Variants in YTHDC2 observed in about 807,000 individuals in gnomAD.
The protein encoded by YTHDC2 is 3'-5' RNA helicase YTHDC2.
In YTHDC2, 45 loss-of-function variants were observed where a neutral mutation model predicts 174.9. The observed-to-expected ratio is 0.26, with a 90% CI of 0.20 to 0.33. The LOEUF is 0.33. Ranked by LOEUF, YTHDC2 falls within the 10% of genes least tolerant of loss-of-function variation. The pLI is 1.00. For synonymous variants in YTHDC2, 657 were observed against 574.5 expected (o/e 1.14, Z -2.05); for missense variants, 1,650 against 1,723.7 (o/e 0.96, Z 0.76).
intron 26 of YTHDC2, among the ~76,000 whole-genome samples, chr5:113,589,408 A>AAAAATATATATATATATATATATATATAT (rs368975720): frequency 1.6e-5 from 2 of 123,262 alleles, no homozygotes; most frequent in African/African-American, 6.8e-5. Flanking sequence ...AAAAAAAAAA[A>AAAAATATATATATATATATATATATATAT]ATATATATAT....
In YTHDC2 at chr5:113,584,487, T is replaced by C; in HGVS notation, c.3825+8T>C. Reference sequence around the variant, plus strand: ...CCTCCATCCTCAGGAAAGGTAAGAGTATCTGAAAGAAAATGTAGTAAGGAA... The same window carrying C: ...CCTCCATCCTCAGGAAAGGTAAGAGCATCTGAAAGAAAATGTAGTAAGGAA... On this transcript the variant is annotated splice_region_variant and intron_variant, in intron 26 of 29. Transcript: ENST00000161863. 1 of 1,595,198 alleles carries C rather than the reference T, an allele frequency of 6.3e-7. No individual in the cohort carries two copies. The highest frequency in any genetic ancestry group is 8.5e-7 in the Non-Finnish European group (1 of 1,169,936).
intron 26 of YTHDC2, among the ~76,000 whole-genome samples, chr5:113,584,692 A>G (rs923328261): frequency 3.3e-5 from 5 of 151,662 alleles, no homozygotes; most frequent in African/African-American, 1.2e-4. Context: ...GGGGTATTTT[A>G]GAATGCTTTA....
At chr5:113,581,981 A>G (rs561143040) in intron 25 of YTHDC2, 69 of 240,820 alleles carry the variant, frequency 2.9e-4, no homozygotes, top group Non-Finnish European at 4.5e-4. Context: ...TCTAATTTCT[A>G]GAATTGGGTC....
At chr5:113,569,236 A>G (rs1237150636) in intron 23 of YTHDC2, among the ~76,000 whole-genome samples, 1 of 152,000 alleles carries the variant, frequency 6.6e-6, no homozygotes, top group Non-Finnish European at 1.5e-5. Context: ...TATACTCTGG[A>G]TATTAGACCT....
intron 4 of YTHDC2, among the ~76,000 whole-genome samples, chr5:113,529,968 C>A (rs1294481238): frequency 2.0e-5 from 3 of 152,018 alleles, no homozygotes; most frequent in Non-Finnish European, 4.4e-5. Flanking sequence ...CTATGTTTCC[C>A]AGGCTGGAGT....
chr5:113,567,858 A>G lies in YTHDC2; in HGVS notation c.3244+9A>G, dbSNP rs775449228. On this transcript the variant is annotated intron_variant, in intron 23 of 29. Coordinates refer to ENST00000161863, the MANE Select transcript of YTHDC2 (RefSeq NM_022828.5). Reference sequence around the variant, plus strand: ...ACCTTCATCCTTTAGAGGTAAATGTATTAAGGAAATAAAAATCTATTTGAA... The same window carrying G: ...ACCTTCATCCTTTAGAGGTAAATGTGTTAAGGAAATAAAAATCTATTTGAA... 3 of 1,472,126 alleles carry G rather than the reference A, an allele frequency of 2.0e-6. No individual in the cohort carries two copies. Among genetic ancestry groups the G allele is most frequent in the South Asian group, 3.0e-5 (2 of 65,966 alleles). The allele number at this position is 1,472,126 out of a possible 1,614,324, so 91.2% of individuals were successfully genotyped here. A position where few individuals can be genotyped will look rare whatever the true frequency, so the allele number is the denominator to read the frequency against.
intron 2 of YTHDC2, among the ~76,000 whole-genome samples, chr5:113,520,652 G>A (rs541991325): frequency 3.5e-4 from 54 of 152,238 alleles, no homozygotes; most frequent in African/African-American, 8.2e-4. Context: ...TGGCCTTAGT[G>A]CACTTTTTGT....
At chr5:113,536,985 T>C (rs1386879541) in intron 7 of YTHDC2, among the ~76,000 whole-genome samples, 2 of 152,204 alleles carry the variant, frequency 1.3e-5, no homozygotes, top group African/African-American at 2.4e-5. Context: ...TTTCATAATA[T>C]TGATGTACTA....
rs60017425 is a variant in YTHDC2 at position 113,558,921 on chromosome 5, CAA to C, written c.2217-2144_2217-2143del. The stretch of plus-strand genomic sequence containing the variant: ...TGGGTGACAGAGCAAGACTCCGTCT[CAA>C]AAAAAAAAAAAAAAGAAAATCTAAG... On this transcript the variant is annotated intron_variant, in intron 17 of 29. Transcript: ENST00000161863. Among the ~76,000 whole-genome samples the C allele has an allele frequency of 1.2e-3, 140 of 121,250 alleles. 1 individual carries two copies. The Middle Eastern group carries it at 0.018, about 15-fold the overall frequency. The allele number at this position is 121,250 out of a possible 152,430, so 79.5% of individuals were successfully genotyped here. A position where few individuals can be genotyped will look rare whatever the true frequency, so the allele number is the denominator to read the frequency against.
chr5:113,532,415 A>G (rs188083066), intron 4 of YTHDC2, among the ~76,000 whole-genome samples: 83 of 152,294 alleles, frequency 5.4e-4, no homozygotes, highest in Middle Eastern at 3.4e-3. Context: ...AAAGGTATCT[A>G]CAATCCTGGA....
chr5:113,565,705 G>A, intron 20 of YTHDC2, 188 bp from the exon 21 acceptor site: 1 of 512,350 alleles, frequency 2.0e-6, no homozygotes, highest in Non-Finnish European at 3.1e-6. Flanking sequence ...AAACTCAATG[G>A]CTTTTTTAGC....
In YTHDC2 at chr5:113,576,349, G is replaced by A. The variant is rs1410547379; in HGVS notation, c.3245-3237G>A. On this transcript the variant is annotated intron_variant, in intron 23 of 29. Coordinates refer to ENST00000161863, the MANE Select transcript of YTHDC2 (RefSeq NM_022828.5). ...TTGAGAGACTGAGGGCATTAAGTTT[G>A]TATGAAGAGAGTAGAAATAGTATGA... Among the ~76,000 whole-genome samples, 7 of 152,166 alleles carry A rather than the reference G, an allele frequency of 4.6e-5. 1 individual carries two copies. The highest frequency in any genetic ancestry group is 1.5e-5 in the Non-Finnish European group (1 of 68,026).
chr5:113,538,727 T>C (rs1487427959), intron 7 of YTHDC2, among the ~76,000 whole-genome samples: 2 of 152,184 alleles, frequency 1.3e-5, no homozygotes, highest in Non-Finnish European at 2.9e-5. Flanking sequence ...CTTCATATTC[T>C]GGATTTTTGG....
intron 4 of YTHDC2, among the ~76,000 whole-genome samples, chr5:113,529,255 T>C (rs1774490290): frequency 1.3e-5 from 2 of 152,196 alleles, no homozygotes; most frequent in Admixed American, 6.5e-5. Context: ...GAATACAAAT[T>C]AAAATTTACG....
Position 113,553,865 on chromosome 5 carries a change from T to C in YTHDC2, c.2052+11T>C. The C allele has an allele frequency of 6.3e-7, 1 of 1,577,190 alleles. No individual in the cohort carries two copies. The highest frequency in any genetic ancestry group is 8.5e-7 in the Non-Finnish European group (1 of 1,172,712). ...GGTGTTCGAAAAATAGTAAGCTTCA[T>C]AAAATCTTCTTTTTAACACTTTCAT... On this transcript the variant is annotated intron_variant, in intron 15 of 29. Transcript: ENST00000161863.
intron 26 of YTHDC2, among the ~76,000 whole-genome samples, chr5:113,590,581 T>G (rs1778953664): frequency 6.6e-6 from 1 of 152,210 alleles, no homozygotes; most frequent in Non-Finnish European, 1.5e-5. Context: ...TGCAGCTCCT[T>G]TCTGTCTAAG....
At chr5:113,576,001 C>G (rs1263315620) in intron 23 of YTHDC2, among the ~76,000 whole-genome samples, 1 of 152,044 alleles carries the variant, frequency 6.6e-6, no homozygotes. Flanking sequence ...TAGCTTGTCA[C>G]TCATTTGAGA....
intron 10 of YTHDC2, among the ~76,000 whole-genome samples, chr5:113,547,051 A>G (rs532809824): frequency 6.6e-6 from 1 of 152,300 alleles, no homozygotes; most frequent in African/African-American, 2.4e-5. Flanking sequence ...CTTTCACGTT[A>G]TTCTGTTCAT....
intron 23 of YTHDC2, among the ~76,000 whole-genome samples, chr5:113,571,665 C>G (rs1777728277): frequency 6.6e-6 from 1 of 152,154 alleles, no homozygotes; most frequent in African/African-American, 2.4e-5. Flanking sequence ...TGTTATTGGT[C>G]TATTCAGGGA....
Sources: allele counts gnomAD v4.1 joint callset (sites outside exome capture counted in the v4.1 genomes callset), GRCh38; gene constraint gnomAD v4.1.1; transcripts MANE v1.5; gene names NCBI Gene and HGNC (gene_info 2026-07-23, HGNC 2026-07-21).